TENM3: variants seen among roughly 807,000 people sequenced by gnomAD.
TENM3 encodes teneurin transmembrane protein 3.
In TENM3, 63 loss-of-function variants were observed where a neutral mutation model predicts 255.1. That is an observed-to-expected ratio of 0.25 (90% CI 0.20 to 0.30). The LOEUF (loss-of-function observed/expected upper bound fraction) is 0.30. TENM3 is among the 10% of genes least tolerant of loss of function. The pLI is 1.00. For synonymous variants in TENM3, 1,306 were observed against 1,322.3 expected (o/e 0.99, Z 0.27); for missense variants, 2,929 against 3,461.1 (o/e 0.85, Z 3.86).
chr4:182,154,916 A>G (rs1482581050), intron 1 of TENM3, among the ~76,000 whole-genome samples: 1 of 152,212 alleles, frequency 6.6e-6, no homozygotes, highest in Admixed American at 6.5e-5. Flanking sequence ...TATATTCCCA[A>G]CTTGTAATGA....
chr4:182,277,086 A>G (rs1311533797), intron 1 of TENM3, among the ~76,000 whole-genome samples: 1 of 152,250 alleles, frequency 6.6e-6, no homozygotes, highest in Non-Finnish European at 1.5e-5. Flanking sequence ...AAATGGCAAT[A>G]TTAAAACAGC....
At chr4:181,495,345 T>C in the TENM3 span, among the ~76,000 whole-genome samples, 1 of 151,768 alleles carries the variant, frequency 6.6e-6, no homozygotes, top group African/African-American at 2.4e-5. Flanking sequence ...TTCTGGAGGG[T>C]TTTAATATTT....
chr4:181,764,215 A>T, the TENM3 span, among the ~76,000 whole-genome samples: 4 of 147,928 alleles, frequency 2.7e-5, no homozygotes, highest in African/African-American at 1.0e-4. Flanking sequence ...AAATGTCCTA[A>T]TAATTATAAG....
At chr4:182,408,165 G>A (rs889115684) in intron 3 of TENM3, among the ~76,000 whole-genome samples, 16 of 152,178 alleles carry the variant, frequency 1.1e-4, no homozygotes, top group Admixed American at 1.0e-3. Flanking sequence ...ATATTGACCA[G>A]GGAGTTTTCC....
At chr4:182,674,938 A>C (rs527908825) in intron 7 of TENM3, among the ~76,000 whole-genome samples, 1 of 151,878 alleles carries the variant, frequency 6.6e-6, no homozygotes, top group Admixed American at 6.6e-5. Context: ...GTGCGATGGC[A>C]TGATCTCGGC....
At chr4:182,230,815 T>TATATAC (rs1756512203) in intron 1 of TENM3, among the ~76,000 whole-genome samples, 2 of 28,922 alleles carry the variant, frequency 6.9e-5, no homozygotes, top group South Asian at 1.1e-3. Flanking sequence ...TCTCAAACTA[T>TATATAC]ATATATATAT....
chr4:181,945,257 T>C, the TENM3 span, among the ~76,000 whole-genome samples: 14 of 152,020 alleles, frequency 9.2e-5, 1 homozygote, highest in Admixed American at 2.0e-4. Context: ...CAAGAGGCAG[T>C]ATATATTCCT....
At chr4:182,265,075 G>GA (rs1195362522) in intron 1 of TENM3, among the ~76,000 whole-genome samples, 7 of 151,946 alleles carry the variant, frequency 4.6e-5, no homozygotes, top group African/African-American at 7.3e-5. Context: ...TCCGTTTTGG[G>GA]AAAAAACCTC....
the TENM3 span, among the ~76,000 whole-genome samples, chr4:181,853,853 T>C: frequency 2.0e-5 from 3 of 152,254 alleles, no homozygotes; most frequent in Non-Finnish European, 4.4e-5. Flanking sequence ...CAAACTATGC[T>C]GAACGATCTT....
At chr4:181,577,687 T>C in the TENM3 span, among the ~76,000 whole-genome samples, 3 of 152,202 alleles carry the variant, frequency 2.0e-5, no homozygotes, top group African/African-American at 7.2e-5. Context: ...TTCTTCAAGA[T>C]GCCCAAGACT....
At chr4:181,457,417 T>C in the TENM3 span, among the ~76,000 whole-genome samples, 1 of 151,806 alleles carries the variant, frequency 6.6e-6, no homozygotes, top group Non-Finnish European at 1.5e-5. Context: ...TTCATTATTC[T>C]CTCTCCTTCT....
rs1764562387 is a variant in TENM3 at position 182,774,984 on chromosome 4, T to C, written c.5135T>C (p.Leu1712Pro). ...GSLRIIYASG[L>P]DSHYQTEPHV... Reference sequence around the variant, plus strand: ...CTCAGAATTATCTACGCCAGTGGCCTGGACTCACACTACCAAACAGAGCCG... The same window carrying C: ...CTCAGAATTATCTACGCCAGTGGCCCGGACTCACACTACCAAACAGAGCCG... Residue 1712 changes from leucine (L) to proline (P), a missense_variant, in exon 24 of 28, where the codon CTG (leucine) becomes CCG (proline). Physicochemically the swap from Leu to Pro is moderately conservative, Grantham distance 98 (BLOSUM62 -3). Transcript: ENST00000511685. 6.2e-7 allele frequency: 1 copy of C among 1,613,846 alleles called. No homozygotes were observed. Among genetic ancestry groups the C allele is most frequent in the Admixed American group, 1.7e-5 (1 of 59,996 alleles).
At chr4:182,488,791 A>C (rs1173875336) in intron 3 of TENM3, among the ~76,000 whole-genome samples, 1 of 152,130 alleles carries the variant, frequency 6.6e-6, no homozygotes, top group Non-Finnish European at 1.5e-5. Flanking sequence ...GTAATAGGTA[A>C]TGTAATTTAC....
At chr4:181,987,110 C>T in the TENM3 span, among the ~76,000 whole-genome samples, 1 of 152,042 alleles carries the variant, frequency 6.6e-6, no homozygotes, top group Non-Finnish European at 1.5e-5. Flanking sequence ...AACCTGGTTC[C>T]CTTCAAGTGT....
the TENM3 span, among the ~76,000 whole-genome samples, chr4:182,134,312 A>G: frequency 6.6e-6 from 1 of 152,204 alleles, no homozygotes; most frequent in South Asian, 2.1e-4. Flanking sequence ...GACTGAAGAT[A>G]AATGCAGAGC....
chr4:182,282,721 C>T (rs1339007632), intron 1 of TENM3, among the ~76,000 whole-genome samples: 5 of 151,800 alleles, frequency 3.3e-5, no homozygotes, highest in Admixed American at 6.6e-5. Flanking sequence ...AGTGAAACCC[C>T]GTCTCTACTA....
At chr4:181,670,726 T>A in the TENM3 span, among the ~76,000 whole-genome samples, 1 of 152,158 alleles carries the variant, frequency 6.6e-6, no homozygotes, top group Non-Finnish European at 1.5e-5. Flanking sequence ...TAGTGAACTA[T>A]TAGAAGTACT....
chr4:181,470,606 C>T, the TENM3 span, among the ~76,000 whole-genome samples: 1 of 152,134 alleles, frequency 6.6e-6, no homozygotes, highest in Admixed American at 6.6e-5. Context: ...TCAGGATTTC[C>T]ATTTTAAGGT....
intron 1 of TENM3, among the ~76,000 whole-genome samples, chr4:182,202,220 A>G (rs1579695466): frequency 6.6e-6 from 1 of 152,094 alleles, no homozygotes; most frequent in African/African-American, 2.4e-5. Flanking sequence ...GAAAGAGAGA[A>G]CTAAAATTCT....
Sources: gnomAD v4.1 joint callset for allele counts (sites outside exome capture counted in the v4.1 genomes callset) on GRCh38, gnomAD v4.1.1 for gene constraint, MANE v1.5 for transcripts, NCBI Gene and HGNC (gene_info 2026-07-23, HGNC 2026-07-21) for gene names.